Variants in ESR1 observed in about 807,000 individuals in gnomAD.
ESR1 encodes estrogen receptor 1, also known as estrogen receptor.
In ESR1, 12 loss-of-function variants were observed where a neutral mutation model predicts 52.7. The observed-to-expected ratio is 0.23, with a 90% CI of 0.15 to 0.37. The LOEUF is 0.37. ESR1 is among the 10% of genes least tolerant of loss of function. ESR1 has a pLI of 1.00. For synonymous variants in ESR1, 305 were observed against 316.8 expected, an observed-to-expected ratio of 0.96 and a Z score of 0.39; for missense variants, 584 against 779.7, an observed-to-expected ratio of 0.75 and a Z score of 2.99.
chr6:151,840,990 TC>T (rs1784198202), intron 1 of ESR1, among the ~76,000 whole-genome samples: 1 of 152,158 alleles, frequency 6.6e-6, no homozygotes, highest in Non-Finnish European at 1.5e-5. Context: ...TACTCCTATG[TC>T]TGGTCTGGCG....
intron 2 of ESR1, among the ~76,000 whole-genome samples, chr6:151,874,874 TA>T (rs1370834293): frequency 6.6e-6 from 1 of 152,208 alleles, no homozygotes; most frequent in Non-Finnish European, 1.5e-5. Flanking sequence ...TAGAGTTTAG[TA>T]AAATCTTGGA....
At chr6:151,742,932 A>T (rs183940053) in intron 2 of ESR1, among the ~76,000 whole-genome samples, 1 of 152,336 alleles carries the variant, frequency 6.6e-6, no homozygotes, top group Admixed American at 6.5e-5. Flanking sequence ...GATGGAGATA[A>T]GACGAAAATT....
At chr6:151,780,350 G>A (rs1352083060) in intron 2 of ESR1, among the ~76,000 whole-genome samples, 3 of 151,272 alleles carry the variant, frequency 2.0e-5, no homozygotes, top group African/African-American at 7.3e-5. Context: ...CAGAACTTAA[G>A]GTATAATAAA....
At chr6:151,801,051 G>GGTGTGTGTGTGTGTGTGTGT (rs3062689), upstream of ESR1, among the ~76,000 whole-genome samples, 214 of 147,698 alleles carry the variant, frequency 1.4e-3, 1 homozygote, top group East Asian at 0.019. Flanking sequence ...TTGATTATGT[G>GGTGTGTGTGTGTGTGTGTGT]GTGTGTGTGT....
intron 5 of ESR1, among the ~76,000 whole-genome samples, chr6:152,056,183 T>A (rs1192409989): frequency 6.6e-6 from 1 of 152,252 alleles, no homozygotes; most frequent in Non-Finnish European, 1.5e-5. Context: ...GCTGCATATG[T>A]AAACCTCTTG....
intron 6 of ESR1, among the ~76,000 whole-genome samples, chr6:152,064,229 A>T (rs1344622299): frequency 6.6e-6 from 1 of 152,216 alleles, no homozygotes; most frequent in African/African-American, 2.4e-5. Context: ...AGTGTAGGGC[A>T]AATCAGAACA....
chr6:152,020,046 G>C (rs2043497058), intron 5 of ESR1, among the ~76,000 whole-genome samples: 1 of 152,160 alleles, frequency 6.6e-6, no homozygotes, highest in Admixed American at 6.5e-5. Context: ...CTCAAAAGCA[G>C]GGCATTCTAA....
At chr6:151,845,832 AATT>A (rs1325742462) in intron 2 of ESR1, among the ~76,000 whole-genome samples, 6 of 152,118 alleles carry the variant, frequency 3.9e-5, no homozygotes, top group African/African-American at 1.4e-4. Flanking sequence ...GGAACCTTAA[AATT>A]ATTCAGTTCT....
intron 4 of ESR1, among the ~76,000 whole-genome samples, chr6:151,981,258 T>C (rs1311629390): frequency 6.6e-6 from 1 of 152,142 alleles, no homozygotes; most frequent in East Asian, 1.9e-4. Context: ...TATATTGCCA[T>C]TTCTAAAGTA....
intron 1 of ESR1, among the ~76,000 whole-genome samples, chr6:151,697,363 T>G (rs79729082): frequency 6.6e-6 from 1 of 152,338 alleles, no homozygotes; most frequent in South Asian, 2.1e-4. Context: ...GTGCCACTGA[T>G]GTGCGCAGTG....
chr6:151,869,074 GGCAGT>G (rs1271395665), intron 2 of ESR1, among the ~76,000 whole-genome samples: 1 of 127,526 alleles, frequency 7.8e-6, no homozygotes, highest in Non-Finnish European at 1.7e-5. Flanking sequence ...GGGAAGGCAG[GGCAGT>G]AAGCACAGTC....
At chr6:152,123,545 A>C (rs922656252) in intron 6 of ESR1, among the ~76,000 whole-genome samples, 2 of 152,210 alleles carry the variant, frequency 1.3e-5, no homozygotes, top group East Asian at 3.8e-4. Context: ...AAAATACAGA[A>C]TCTGGAAGTA....
intron 2 of ESR1, among the ~76,000 whole-genome samples, chr6:151,717,526 G>C (rs993114636): frequency 6.6e-6 from 1 of 152,134 alleles, no homozygotes; most frequent in Non-Finnish European, 1.5e-5. Flanking sequence ...TAGATCTTGT[G>C]TTAGGTTTTT....
intron 1 of ESR1, among the ~76,000 whole-genome samples, chr6:151,825,736 A>C (rs1456561616): frequency 1.3e-5 from 2 of 151,828 alleles, no homozygotes; most frequent in Non-Finnish European, 2.9e-5. Flanking sequence ...AAATGGAGAA[A>C]CCTCGTCTCT....
intron 2 of ESR1, among the ~76,000 whole-genome samples, chr6:151,704,306 T>C (rs1780016977): frequency 6.6e-6 from 1 of 152,174 alleles, no homozygotes; most frequent in African/African-American, 2.4e-5. Flanking sequence ...GGTGCGATCT[T>C]GGCTCACTGC....
At chr6:151,900,421 C>T (rs1289104655) in intron 3 of ESR1, among the ~76,000 whole-genome samples, 4 of 152,158 alleles carry the variant, frequency 2.6e-5, no homozygotes, top group African/African-American at 4.8e-5. Flanking sequence ...TAACAATCGA[C>T]CTTCTGAATT....
intron 4 of ESR1, among the ~76,000 whole-genome samples, chr6:151,991,709 G>T (rs935991899): frequency 1.3e-5 from 2 of 152,112 alleles, no homozygotes. Context: ...GAAATGACAC[G>T]ATGAGCAGAA....
intron 6 of ESR1, among the ~76,000 whole-genome samples, chr6:152,111,020 T>C (rs1467435705): frequency 6.6e-6 from 1 of 152,124 alleles, no homozygotes; most frequent in African/African-American, 2.4e-5. Flanking sequence ...AGGAGCTCTA[T>C]TTCTAGCCGA....
chr6:151,847,152 T>C (rs1234762835), intron 2 of ESR1, among the ~76,000 whole-genome samples: 1 of 152,152 alleles, frequency 6.6e-6, no homozygotes, highest in Non-Finnish European at 1.5e-5. Flanking sequence ...GGTATCAGGG[T>C]AGAGTCTGGT....
Sources: allele counts gnomAD v4.1 joint callset (sites outside exome capture counted in the v4.1 genomes callset), GRCh38; gene constraint gnomAD v4.1.1; transcripts MANE v1.5; gene names NCBI Gene and HGNC (gene_info 2026-07-23, HGNC 2026-07-21).